Variants in THOC5 observed in about 807,000 individuals in gnomAD.
The protein encoded by THOC5 is Fms-interacting protein.
In THOC5, 43 loss-of-function variants were observed where a neutral mutation model predicts 92.9. That is an observed-to-expected ratio of 0.46 (90% confidence interval 0.36 to 0.60). The LOEUF (loss-of-function observed/expected upper bound fraction) is 0.60. THOC5 is among the 20% of genes least tolerant of loss of function. The pLI is 0.00. For missense variants in THOC5, 659 were observed against 849.4 expected (o/e 0.78, Z 2.79); for synonymous variants, 296 against 320.1 (o/e 0.92, Z 0.80).
In THOC5 at chr22:29,508,532, G is replaced by A; in HGVS notation, c.1989-12C>T. 1 of 1,610,086 alleles carries A rather than the reference G, an allele frequency of 6.2e-7. No homozygotes were observed. Among genetic ancestry groups the A allele is most frequent in the Non-Finnish European group, 8.5e-7 (1 of 1,176,350 alleles). On this transcript the variant is annotated splice_polypyrimidine_tract_variant and intron_variant, in intron 19 of 19. Transcript: ENST00000490103. ...TCCTGCTAGGACCCCTAGAGAAATA[G>A]GAGAACGGAGTTGTTAATAACACAC...
At chr22:29,532,188 C>A (rs897701406) in intron 7 of THOC5, among the ~76,000 whole-genome samples, 22 of 152,150 alleles carry the variant, frequency 1.4e-4, no homozygotes, top group African/African-American at 5.3e-4. Flanking sequence ...GTCAGGGCAC[C>A]CTGGCTCATG....
intron 8 of THOC5, among the ~76,000 whole-genome samples, chr22:29,529,716 G>A (rs2063615665): frequency 6.6e-6 from 1 of 152,276 alleles, no homozygotes; most frequent in Non-Finnish European, 1.5e-5. Context: ...CAGTAGGACA[G>A]TGAATAGGAA....
At chr22:29,515,749 T>A (rs1252672954) in intron 17 of THOC5, among the ~76,000 whole-genome samples, 1 of 151,746 alleles carries the variant, frequency 6.6e-6, no homozygotes, top group Non-Finnish European at 1.5e-5. Context: ...GGAAATGACT[T>A]GAGCCCAGGC....
In THOC5 at chr22:29,544,538, T is replaced by C; in HGVS notation, c.162A>G (p.Leu54=). The change falls in exon 3 of 20, where the codon TTA becomes TTG. Residue 54 remains leucine (L), a synonymous_variant. Coordinates refer to ENST00000490103, the MANE Select transcript of THOC5 (RefSeq NM_003678.5). ...DLRDPGRDYE[L]YKYTCQELQR... is the part of the protein sequence containing the mutation. ...GTAGCTCCTGGCAGGTGTACTTGTATAACTCATAGTCTCTGCCAGGGTCCC... is the reference window on the plus strand; with the variant it reads ...GTAGCTCCTGGCAGGTGTACTTGTACAACTCATAGTCTCTGCCAGGGTCCC... The C allele has an allele frequency of 6.2e-7, 1 of 1,614,092 alleles. No individual in the cohort carries two copies.
At position 29,519,937 on chromosome 22, in the gene THOC5, C is replaced by A. The variant is rs1422320143; in HGVS notation, c.1374+71G>T. The A allele has an allele frequency of 5.2e-6, 7 of 1,345,730 alleles. No homozygotes were observed. The Admixed American group carries it at 7.9e-5, about 15-fold the overall frequency. The allele number at this position is 1,345,730 out of a possible 1,614,324, so 83.4% of individuals were successfully genotyped here. On this transcript the variant is annotated intron_variant, in intron 14 of 19. Coordinates refer to ENST00000490103, the MANE Select transcript of THOC5 (RefSeq NM_003678.5). ...GCATGAGCCACCGCACCTGGCCTGGCCTTTCTAGAGTCTATACAGGAAGAG... is the reference window on the plus strand; with the variant it reads ...GCATGAGCCACCGCACCTGGCCTGGACTTTCTAGAGTCTATACAGGAAGAG...
intron 5 of THOC5, 25 bp from the exon 6 acceptor site, chr22:29,539,501 G>A (rs533658701): frequency 1.2e-6 from 2 of 1,604,966 alleles, no homozygotes; most frequent in African/African-American, 1.3e-5. Flanking sequence ...ATGACATCAA[G>A]CTGCTGTTCT....
At position 29,552,548 on chromosome 22, in the gene THOC5, G is replaced by A. The variant is rs961482142; in HGVS notation, c.-12+1123C>T. Among the ~76,000 whole-genome samples, 8 of 139,040 alleles carry A rather than the reference G, an allele frequency of 5.8e-5. 1 individual carries two copies. The South Asian group carries it at 1.7e-3, about 30-fold the overall frequency. The allele number at this position is 139,040 out of a possible 152,430, so 91.2% of individuals were successfully genotyped here. A position where few individuals can be genotyped will look rare whatever the true frequency, so the allele number is the denominator to read the frequency against. Reference sequence around the variant, plus strand: ...GGGAGGTGGGGGGCAGCCCCCGCCCGGCCAGCCGCCCCGTCCGGGGGGGAG... The same window carrying A: ...GGGAGGTGGGGGGCAGCCCCCGCCCAGCCAGCCGCCCCGTCCGGGGGGGAG... On this transcript the variant is annotated intron_variant, in intron 1 of 19. Transcript: ENST00000490103.
intron 5 of THOC5, among the ~76,000 whole-genome samples, chr22:29,541,176 C>CT: frequency 6.6e-6 from 1 of 150,798 alleles, no homozygotes; most frequent in East Asian, 2.0e-4. Flanking sequence ...CAGAGCGAGA[C>CT]TTTATCTTTA....
chr22:29,508,628 CAG>C, intron 19 of THOC5, 108 bp from the exon 20 acceptor site: 1 of 989,814 alleles, frequency 1.0e-6, no homozygotes, highest in Non-Finnish European at 1.6e-6. Flanking sequence ...TTACATGACA[CAG>C]AATGTTGTTG....
chr22:29,526,258 C>A (rs1310969358), intron 11 of THOC5, among the ~76,000 whole-genome samples: 1 of 152,096 alleles, frequency 6.6e-6, no homozygotes, highest in South Asian at 2.1e-4. Flanking sequence ...ATCGGCCAGG[C>A]GCGGTGGCTC....
intron 4 of THOC5, 26 bp from the exon 5 acceptor site, chr22:29,542,982 G>A (rs1242530415): frequency 6.4e-7 from 1 of 1,565,860 alleles, no homozygotes; most frequent in Non-Finnish European, 8.8e-7. Flanking sequence ...GATCAGAAGT[G>A]AGCAGGGCAA....
chr22:29,549,436 C>T (rs1293937644), intron 1 of THOC5, among the ~76,000 whole-genome samples: 2 of 152,276 alleles, frequency 1.3e-5, no homozygotes, highest in East Asian at 3.9e-4. Flanking sequence ...CATCCTGCTC[C>T]ACACTCTCCA....
intron 18 of THOC5, among the ~76,000 whole-genome samples, chr22:29,511,693 G>A (rs1384409702): frequency 6.6e-6 from 1 of 152,256 alleles, no homozygotes; most frequent in African/African-American, 2.4e-5. Flanking sequence ...CTGCAGTGAT[G>A]TCATTCCTCA....
chr22:29,542,807 A>C (rs1253138447), intron 5 of THOC5, 52 bp downstream of exon 5: 1 of 1,260,310 alleles, frequency 7.9e-7, no homozygotes, highest in Middle Eastern at 1.9e-4. Flanking sequence ...ACATGGGAAA[A>C]AGCAGTTACC....
intron 1 of THOC5, among the ~76,000 whole-genome samples, chr22:29,550,101 T>G (rs1217863039): frequency 6.6e-6 from 1 of 152,154 alleles, no homozygotes; most frequent in Admixed American, 6.6e-5. Context: ...CTCCCAATAC[T>G]ACTGTGATCA....
At chr22:29,552,953 T>A (rs2064203143) in intron 1 of THOC5, among the ~76,000 whole-genome samples, 1 of 152,116 alleles carries the variant, frequency 6.6e-6, no homozygotes, top group South Asian at 2.1e-4. Context: ...AACCCCGTGC[T>A]CTCTGAAACA....
intron 1 of THOC5, among the ~76,000 whole-genome samples, chr22:29,551,160 G>A (rs192112072): frequency 6.6e-6 from 1 of 152,310 alleles, no homozygotes. Flanking sequence ...TTGGCTGGGC[G>A]CAGTGGCTCA....
chr22:29,547,223 C>T (rs2064041513), intron 2 of THOC5, among the ~76,000 whole-genome samples: 1 of 152,176 alleles, frequency 6.6e-6, no homozygotes, highest in Non-Finnish European at 1.5e-5. Flanking sequence ...GTTCAAAGTT[C>T]CACAAATCTC....
chr22:29,509,944 G>C (rs541652012), intron 19 of THOC5, among the ~76,000 whole-genome samples: 3 of 152,356 alleles, frequency 2.0e-5, no homozygotes, highest in African/African-American at 7.2e-5. Context: ...GCACTGTGTA[G>C]ACTGACAGGG....
Sources: gnomAD v4.1 joint callset for allele counts (sites outside exome capture counted in the v4.1 genomes callset) on GRCh38, gnomAD v4.1.1 for gene constraint, MANE v1.5 for transcripts, NCBI Gene and HGNC (gene_info 2026-07-23, HGNC 2026-07-21) for gene names.